The following RORA variants were observed in gnomAD, a reference collection of about 807,000 sequenced individuals.
RORA encodes the protein RAR related orphan receptor A.
RORA carries 7 observed loss-of-function variants against 69.5 expected under a neutral mutation model. The observed-to-expected ratio is 0.10, with a 90% CI of 0.06 to 0.19. RORA has a LOEUF of 0.19. RORA is among the 10% of genes least tolerant of loss of function. RORA has a pLI of 1.00. For missense variants in RORA, 457 were observed against 663.0 expected (o/e 0.69, Z 3.41); for synonymous variants, 261 against 240.8 (o/e 1.08, Z -0.78).
chr15:60,733,714 T>C (rs886478648), intron 1 of RORA, among the ~76,000 whole-genome samples: 1 of 152,008 alleles, frequency 6.6e-6, no homozygotes, highest in African/African-American at 2.4e-5. Flanking sequence ...AATTTACAAA[T>C]CCATCAGAAG....
intron 1 of RORA, among the ~76,000 whole-genome samples, chr15:61,171,770 T>G (rs1199012342): frequency 6.6e-6 from 1 of 152,226 alleles, no homozygotes; most frequent in Non-Finnish European, 1.5e-5. Flanking sequence ...CTGTCCTCCC[T>G]GTATCTTCAG....
intron 1 of RORA, among the ~76,000 whole-genome samples, chr15:61,063,953 G>A (rs367646041): frequency 2.4e-4 from 36 of 152,272 alleles, no homozygotes; most frequent in African/African-American, 7.9e-4. Flanking sequence ...TCTGGTGTGG[G>A]CACGTCAGAT....
chr15:60,774,264 G>A (rs757999376), intron 1 of RORA, among the ~76,000 whole-genome samples: 15 of 152,192 alleles, frequency 9.9e-5, no homozygotes, highest in African/African-American at 2.2e-4. Context: ...GTGAGTCTGC[G>A]TAGTACTTTT....
intron 1 of RORA, among the ~76,000 whole-genome samples, chr15:60,807,610 A>G (rs1464737987): frequency 1.3e-5 from 2 of 152,208 alleles, no homozygotes; most frequent in African/African-American, 4.8e-5. Flanking sequence ...AAGAGCCCAC[A>G]TAGCCAAAGC....
chr15:60,812,878 G>A (rs892429613), intron 1 of RORA, among the ~76,000 whole-genome samples: 1 of 152,180 alleles, frequency 6.6e-6, no homozygotes, highest in Non-Finnish European at 1.5e-5. Flanking sequence ...TCCAGAAGGG[G>A]CATGTCCTAT....
chr15:60,855,066 T>C (rs760993785), intron 1 of RORA, among the ~76,000 whole-genome samples: 2 of 152,214 alleles, frequency 1.3e-5, no homozygotes, highest in African/African-American at 4.8e-5. Context: ...GAGCTTACGA[T>C]TGTGCTTGTC....
At chr15:60,604,763 T>C (rs1038812786) in intron 2 of RORA, among the ~76,000 whole-genome samples, 1 of 152,218 alleles carries the variant, frequency 6.6e-6, no homozygotes, top group African/African-American at 2.4e-5. Flanking sequence ...AACAGTGGCT[T>C]TGTGATTGGT....
chr15:61,069,254 T>G (rs1420858449), intron 1 of RORA, among the ~76,000 whole-genome samples: 1 of 152,190 alleles, frequency 6.6e-6, no homozygotes, highest in African/African-American at 2.4e-5. Flanking sequence ...ATAAATAAAC[T>G]AGTTGATCAC....
intron 1 of RORA, among the ~76,000 whole-genome samples, chr15:60,945,498 C>A (rs376457457): frequency 1.3e-5 from 2 of 152,182 alleles, no homozygotes; most frequent in African/African-American, 4.8e-5. Flanking sequence ...GCTCTCCAGG[C>A]TACAACTACC....
At chr15:60,899,101 G>T (rs545282992) in intron 1 of RORA, among the ~76,000 whole-genome samples, 3 of 152,184 alleles carry the variant, frequency 2.0e-5, no homozygotes, top group African/African-American at 7.2e-5. Flanking sequence ...GGGGTTGTTC[G>T]CAATGCAACA....
chr15:60,657,192 G>A (rs1326839321), intron 2 of RORA, among the ~76,000 whole-genome samples: 1 of 152,100 alleles, frequency 6.6e-6, no homozygotes, highest in African/African-American at 2.4e-5. Context: ...GCCCCTGGGT[G>A]AGCTCCAAAG....
chr15:61,115,533 G>A (rs1280461440), intron 1 of RORA, among the ~76,000 whole-genome samples: 1 of 152,134 alleles, frequency 6.6e-6, no homozygotes, highest in Admixed American at 6.5e-5. Context: ...GTGAAGTGAG[G>A]TTTCTCTTTA....
chr15:61,174,224 T>C (rs184237196), intron 1 of RORA, among the ~76,000 whole-genome samples: 24 of 152,340 alleles, frequency 1.6e-4, no homozygotes, highest in African/African-American at 5.8e-4. Flanking sequence ...CCTTCTCTGC[T>C]GGCTTCTGTT....
rs1319605473 is a variant in RORA at position 60,537,227 on chromosome 15, T to C, written c.197-5376A>G. Among the ~76,000 whole-genome samples, 2 of 152,324 alleles carry C rather than the reference T, an allele frequency of 1.3e-5. No individual in the cohort carries two copies. ...TCAGGAGCACCAGGCTTCTAGAATTTTGTGGCCCCCTTGTTTCAGGGCTTC... is the reference window on the plus strand; with the variant it reads ...TCAGGAGCACCAGGCTTCTAGAATTCTGTGGCCCCCTTGTTTCAGGGCTTC... On this transcript the variant is annotated intron_variant, in intron 2 of 10. Transcript: ENST00000335670. The surrounding 1 kb of genome is among the most constrained non-coding windows in gnomAD (Gnocchi z 4.9).
chr15:61,201,395 C>G (rs2079894220), intron 1 of RORA, among the ~76,000 whole-genome samples: 1 of 152,176 alleles, frequency 6.6e-6, no homozygotes, highest in Middle Eastern at 3.2e-3. Context: ...AAACCTGGAA[C>G]CAGGTCCCAA....
chr15:61,066,224 G>T (rs1022171050), intron 1 of RORA, among the ~76,000 whole-genome samples: 2 of 152,072 alleles, frequency 1.3e-5, no homozygotes, highest in Non-Finnish European at 2.9e-5. Context: ...TGGTAGACAG[G>T]CATTGTGGAA....
In RORA at chr15:61,168,803, T is replaced by A. The variant is rs1459649406; in HGVS notation, c.166+60250A>T. On this transcript the variant is annotated intron_variant, in intron 1 of 10. Transcript: ENST00000335670. ...AGTCCTAGTTCTAGCAGGTGCTAGCTGTGTTTGGGCAAGTTGTTTAACCTC... is the reference window on the plus strand; with the variant it reads ...AGTCCTAGTTCTAGCAGGTGCTAGCAGTGTTTGGGCAAGTTGTTTAACCTC... 2.6e-5 allele frequency among the ~76,000 whole-genome samples: 4 copies of A among 151,916 alleles called. No individual in the cohort carries two copies. In the East Asian group the frequency reaches 7.7e-4, roughly 29 times the overall value.
chr15:61,209,711 A>C (rs2079973717), intron 1 of RORA, among the ~76,000 whole-genome samples: 1 of 152,240 alleles, frequency 6.6e-6, no homozygotes, highest in Non-Finnish European at 1.5e-5. Flanking sequence ...ACTTTTGTAC[A>C]GTTGTGCAGA....
rs147804468 is a variant in RORA, at chr15:61,025,224, T to C, written c.166+203829A>G. ...TGGCATAGCACTGTACACTGGGACA[T>C]GACTTAATTTCTCCACAGGCTTCTC... On this transcript the variant is annotated intron_variant, in intron 1 of 10. Transcript: ENST00000335670. Among the ~76,000 whole-genome samples the C allele has an allele frequency of 2.3e-3, 351 of 152,290 alleles. 1 individual carries two copies. The highest frequency in any genetic ancestry group is 8.2e-3 in the African/African-American group (342 of 41,566).
Sources: allele counts gnomAD v4.1 joint callset (sites outside exome capture counted in the v4.1 genomes callset), GRCh38; gene constraint gnomAD v4.1.1; non-coding constraint Gnocchi (gnomAD v3.1); transcripts MANE v1.5; gene names NCBI Gene and HGNC (gene_info 2026-07-23, HGNC 2026-07-21).